Variants in ERCC6 observed in about 807,000 individuals in gnomAD.
The protein encoded by ERCC6 is DNA excision repair protein ERCC-6.
In ERCC6, 116 loss-of-function variants were observed where a neutral mutation model predicts 158.7. The observed-to-expected ratio is 0.73, with a 90% CI of 0.63 to 0.85. The LOEUF (loss-of-function observed/expected upper bound fraction) is 0.85. Ranked by LOEUF, ERCC6 falls within the 40% of genes least tolerant of loss-of-function variation. ERCC6 has a pLI of 0.00. For missense variants in ERCC6, 1,698 were observed against 1,799.4 expected (o/e 0.94, Z 1.02); for synonymous variants, 678 against 659.3 (o/e 1.03, Z -0.43).
intron 10 of ERCC6, among the ~76,000 whole-genome samples, chr10:49,479,907 T>C (rs536552841): frequency 6.6e-6 from 1 of 152,334 alleles, no homozygotes; most frequent in East Asian, 1.9e-4. Context: ...TCTCTACCAA[T>C]GCTCACATCC....
At chr10:49,528,349 C>G in intron 4 of ERCC6, 68 bp downstream of exon 4, 1 of 1,564,550 alleles carries the variant, frequency 6.4e-7, no homozygotes, top group South Asian at 1.1e-5. Flanking sequence ...TAAAGAGACA[C>G]CCTCCACTGA....
intron 6 of ERCC6, chr10:49,503,639 CT>C (rs1411831165): frequency 6.6e-6 from 1 of 152,114 alleles, no homozygotes; most frequent in Non-Finnish European, 1.5e-5. Flanking sequence ...CAGGTTTCAG[CT>C]GTGCCACTAA....
At chr10:49,515,111 T>G in intron 5 of ERCC6, 2 of 1,068,668 alleles carry the variant, frequency 1.9e-6, no homozygotes, top group Non-Finnish European at 2.4e-6. Flanking sequence ...GAAAACATCT[T>G]TAACCCATTT....
Position 49,473,535 on chromosome 10 carries a change from T to C in ERCC6, c.2651A>G (p.Lys884Arg). The change falls in exon 14 of 21, where the codon AAG becomes AGG. Residue 884 changes from lysine (K) to arginine (R), a missense_variant. By Grantham distance (26) the Lys-to-Arg change is conservative. Transcript: ENST00000355832. ...FLRAQKYTYL[K>R]MDGTTTIASR... ...AGCTATTGTAGTGGTACCATCCATC[T>C]TGAGATAGGTATACTTTTGGGCTCT... is the stretch of plus-strand genomic sequence containing the variant. 1.9e-6 allele frequency: 3 copies of C among 1,613,512 alleles called. No homozygotes were observed. Among genetic ancestry groups the C allele is most frequent in the South Asian group, 1.1e-5 (1 of 91,072 alleles).
intron 20 of ERCC6, chr10:49,460,107 C>A (rs1033284486): frequency 1.9e-6 from 1 of 520,952 alleles, no homozygotes. Flanking sequence ...GTCCTAGCAG[C>A]GACACACCTA....
chr10:49,472,613 A>G, intron 15 of ERCC6, 143 bp from the exon 16 acceptor site: 1 of 851,848 alleles, frequency 1.2e-6, no homozygotes, highest in Non-Finnish European at 1.9e-6. Flanking sequence ...CCTAAGGCCT[A>G]CTCAGGAAGA....
At chr10:49,461,093 A>T (rs936453111) in intron 19 of ERCC6, among the ~76,000 whole-genome samples, 4 of 152,184 alleles carry the variant, frequency 2.6e-5, no homozygotes, top group Non-Finnish European at 4.4e-5. Context: ...ATCTCTTACT[A>T]TTTTTAACAA....
At chr10:49,473,699 G>C in intron 13 of ERCC6, 112 bp from the exon 14 acceptor site, 3 of 781,766 alleles carry the variant, frequency 3.8e-6, no homozygotes, top group Non-Finnish European at 7.0e-6. Flanking sequence ...GTTAAAAGGA[G>C]TTTCTTGCTT....
intron 10 of ERCC6, among the ~76,000 whole-genome samples, chr10:49,480,510 A>G (rs1850959500): frequency 6.6e-6 from 1 of 152,234 alleles, no homozygotes; most frequent in Non-Finnish European, 1.5e-5. Flanking sequence ...TCTGCTTCCA[A>G]AGATCTCACC....
At chr10:49,537,454 T>TA (rs1837625567) in intron 1 of ERCC6, among the ~76,000 whole-genome samples, 1 of 151,442 alleles carries the variant, frequency 6.6e-6, no homozygotes. Flanking sequence ...CCAAAGAGCT[T>TA]AGAGTCTCAT....
At chr10:49,447,164 GACAA>G in the ERCC6 span, among the ~76,000 whole-genome samples, 4 of 152,192 alleles carry the variant, frequency 2.6e-5, no homozygotes, top group Non-Finnish European at 5.9e-5. Flanking sequence ...GAACACCAAT[GACAA>G]ACAGATGATA....
chr10:49,482,292 T>C (rs574848184), intron 10 of ERCC6, among the ~76,000 whole-genome samples: 1 of 152,322 alleles, frequency 6.6e-6, no homozygotes, highest in East Asian at 1.9e-4. Context: ...CACTACTTTA[T>C]AAGATGCACT....
rs1302982017 is a variant in ERCC6, at chr10:49,500,520, C to T, written c.1685+18G>A. ...TAATTGAGCTCCACAGACTGACAGTCTGCAGAGGAGCACTTGCCTGTAATT... is the reference window on the plus strand; with the variant it reads ...TAATTGAGCTCCACAGACTGACAGTTTGCAGAGGAGCACTTGCCTGTAATT... On this transcript the variant is annotated intron_variant, in intron 7 of 20. Coordinates refer to ENST00000355832, the MANE Select transcript of ERCC6 (RefSeq NM_000124.4). 1 of 1,613,174 alleles carries T rather than the reference C, an allele frequency of 6.2e-7. No homozygotes were observed. The highest frequency in any genetic ancestry group is 8.5e-7 in the Non-Finnish European group (1 of 1,179,522).
chr10:49,513,170 C>G lies in ERCC6; in HGVS notation c.1398-7158G>C, dbSNP rs181877945. Among the ~76,000 whole-genome samples the G allele has an allele frequency of 2.6e-5, 4 of 152,246 alleles. No individual in the cohort carries two copies. The East Asian group carries it at 7.7e-4, about 29-fold the overall frequency. On this transcript the variant is annotated intron_variant, in intron 5 of 20. Coordinates refer to ENST00000355832, the MANE Select transcript of ERCC6 (RefSeq NM_000124.4). Reference sequence around the variant, plus strand: ...CCCATGAAGAAGGTACTGCTGTGATCCCCATCTTACAGGTGAGTGGATACA... The same window carrying G: ...CCCATGAAGAAGGTACTGCTGTGATGCCCATCTTACAGGTGAGTGGATACA...
chr10:49,513,029 C>G (rs1378605116), intron 5 of ERCC6, among the ~76,000 whole-genome samples: 1 of 152,202 alleles, frequency 6.6e-6, no homozygotes, highest in Non-Finnish European at 1.5e-5. Flanking sequence ...TCATTTCAAG[C>G]ATCTTACTGC....
At chr10:49,474,922 C>T (rs1564420445) in intron 12 of ERCC6, among the ~76,000 whole-genome samples, 1 of 152,204 alleles carries the variant, frequency 6.6e-6, no homozygotes, top group Non-Finnish European at 1.5e-5. Context: ...TGATTCAAAT[C>T]AAACTCACTG....
chr10:49,534,443 AACT>A (rs1265037612), intron 1 of ERCC6, among the ~76,000 whole-genome samples: 2 of 152,262 alleles, frequency 1.3e-5, no homozygotes, highest in Admixed American at 6.5e-5. Flanking sequence ...AGTTTAATGT[AACT>A]ACTAAGTATA....
intron 8 of ERCC6, among the ~76,000 whole-genome samples, chr10:49,491,508 A>C (rs1851172508): frequency 6.6e-6 from 1 of 152,230 alleles, no homozygotes; most frequent in South Asian, 2.1e-4. Flanking sequence ...TGTGAAGGTA[A>C]AACAACCTCA....
rs138980917 is a variant in ERCC6, at chr10:49,512,749, T to C, written c.1398-6737A>G. ...TCATTTATGTTTCATATATAACTTA[T>C]ACACATAGGCTGAAGGTAATTTTAT... On this transcript the variant is annotated intron_variant, in intron 5 of 20. Transcript: ENST00000355832. Among the ~76,000 whole-genome samples the C allele has an allele frequency of 1.8e-3, 281 of 152,370 alleles. 2 individuals carry two copies. Among genetic ancestry groups the C allele is most frequent in the Non-Finnish European group, 2.7e-3 (186 of 68,034 alleles).
Sources: gnomAD v4.1 joint callset for allele counts (sites outside exome capture counted in the v4.1 genomes callset) on GRCh38, gnomAD v4.1.1 for gene constraint, MANE v1.5 for transcripts, NCBI Gene and HGNC (gene_info 2026-07-23, HGNC 2026-07-21) for gene names.